Variants in CALN1 observed in about 807,000 individuals in gnomAD.
CALN1 encodes the protein calneuron 1.
Under a neutral mutation model 30.6 loss-of-function variants are expected in CALN1, and 17 were observed. The ratio of observed to expected loss-of-function variants is 0.56; its 90% CI spans 0.38 to 0.83. CALN1 has a LOEUF of 0.83. Among genes scored for constraint, CALN1 ranks in the 40% least tolerant of loss-of-function variants. The pLI is 0.00. For synonymous variants in CALN1, 156 were observed against 131.4 expected, an observed-to-expected ratio of 1.19 and a Z score of -1.28; for missense variants, 291 against 354.9, an observed-to-expected ratio of 0.82 and a Z score of 1.45.
At chr7:71,999,429 T>A (rs1017949446) in intron 5 of CALN1, among the ~76,000 whole-genome samples, 1 of 151,950 alleles carries the variant, frequency 6.6e-6, no homozygotes, top group Non-Finnish European at 1.5e-5. Flanking sequence ...GGGAGAACAA[T>A]CAGTATGTAT....
chr7:72,030,699 C>T (rs2129531845), intron 4 of CALN1, among the ~76,000 whole-genome samples: 1 of 152,264 alleles, frequency 6.6e-6, no homozygotes, highest in East Asian at 1.9e-4. Context: ...CTAACATTTA[C>T]TGGGCACGCA....
intron 2 of CALN1, among the ~76,000 whole-genome samples, chr7:72,367,922 A>G (rs1479648531): frequency 2.0e-5 from 3 of 152,052 alleles, no homozygotes; most frequent in African/African-American, 2.4e-5. Flanking sequence ...TCACCAGGCC[A>G]GGAGATTGAG....
At chr7:72,093,244 C>T (rs753163143) in intron 4 of CALN1, among the ~76,000 whole-genome samples, 1 of 152,164 alleles carries the variant, frequency 6.6e-6, no homozygotes, top group Non-Finnish European at 1.5e-5. Flanking sequence ...CTAAGACAGG[C>T]ATTCTCATAC....
At chr7:72,181,109 C>T (rs1173068330) in intron 3 of CALN1, among the ~76,000 whole-genome samples, 1 of 53,438 alleles carries the variant, frequency 1.9e-5, no homozygotes, top group South Asian at 8.9e-4. Context: ...CCCCCCCCCC[C>T]CAAAAAAAAA....
chr7:72,077,290 T>C (rs1357147446), intron 4 of CALN1, among the ~76,000 whole-genome samples: 2 of 152,230 alleles, frequency 1.3e-5, no homozygotes, highest in Non-Finnish European at 2.9e-5. Flanking sequence ...TTTATTTATT[T>C]TGAGACGGAG....
chr7:72,074,178 T>C (rs975392634), intron 4 of CALN1, among the ~76,000 whole-genome samples: 5 of 152,162 alleles, frequency 3.3e-5, no homozygotes, highest in Non-Finnish European at 7.3e-5. Flanking sequence ...CAGCCTTCGG[T>C]TGATTAATTG....
intron 5 of CALN1, among the ~76,000 whole-genome samples, chr7:71,876,788 A>T (rs192364342): frequency 9.2e-5 from 14 of 152,182 alleles, no homozygotes; most frequent in African/African-American, 3.1e-4. Flanking sequence ...TGGCAGAACA[A>T]ATATTGGGAC....
At chr7:71,897,710 C>T (rs1793602822) in intron 5 of CALN1, among the ~76,000 whole-genome samples, 1 of 150,618 alleles carries the variant, frequency 6.6e-6, no homozygotes, top group South Asian at 2.1e-4. Context: ...TCAACCCAGG[C>T]CTCAAAATAT....
At chr7:72,344,656 A>C (rs897009395) in intron 2 of CALN1, among the ~76,000 whole-genome samples, 21 of 146,522 alleles carry the variant, frequency 1.4e-4, no homozygotes, top group Non-Finnish European at 2.7e-4. Flanking sequence ...TTTTTTATTT[A>C]TATAAATATA....
chr7:71,958,679 G>A (rs947509301), intron 5 of CALN1, among the ~76,000 whole-genome samples: 2 of 152,168 alleles, frequency 1.3e-5, no homozygotes, highest in African/African-American at 4.8e-5. Context: ...GAAAGAACAG[G>A]ACACACTTCC....
intron 6 of CALN1, among the ~76,000 whole-genome samples, chr7:71,795,961 G>A (rs1786888762): frequency 6.6e-6 from 1 of 151,210 alleles, no homozygotes; most frequent in South Asian, 2.1e-4. Context: ...TGGGACTACA[G>A]GCACCCGCCA....
At chr7:71,948,338 C>G (rs562769236) in intron 5 of CALN1, among the ~76,000 whole-genome samples, 4 of 152,258 alleles carry the variant, frequency 2.6e-5, no homozygotes, top group Admixed American at 6.5e-5. Flanking sequence ...TTTGATGGGT[C>G]TTCCAAATGC....
the CALN1 span, among the ~76,000 whole-genome samples, chr7:72,474,664 G>A: frequency 1.3e-5 from 2 of 150,776 alleles, no homozygotes; most frequent in South Asian, 2.1e-4. Context: ...TAGCCTGGGC[G>A]ACAAGAGCGA....
At chr7:72,219,864 G>GA (rs1683006151) in intron 3 of CALN1, among the ~76,000 whole-genome samples, 1 of 151,978 alleles carries the variant, frequency 6.6e-6, no homozygotes, top group African/African-American at 2.4e-5. Flanking sequence ...ATCCTGGAAT[G>GA]AACAAGAGCT....
At chr7:72,448,235 G>T (rs182451862), upstream of CALN1, among the ~76,000 whole-genome samples, 153 of 152,324 alleles carry the variant, frequency 1.0e-3, 1 homozygote, top group Non-Finnish European at 1.1e-3. Flanking sequence ...GCATATTACA[G>T]GCAGATCACC....
chr7:72,016,628 G>C (rs1800394475), intron 5 of CALN1, among the ~76,000 whole-genome samples: 1 of 151,750 alleles, frequency 6.6e-6, no homozygotes, highest in Admixed American at 6.6e-5. Flanking sequence ...GTAAAGAAAG[G>C]GTGTCACTCA....
At chr7:72,386,088 AT>A (rs1489125884) in intron 2 of CALN1, among the ~76,000 whole-genome samples, 3 of 152,224 alleles carry the variant, frequency 2.0e-5, no homozygotes, top group Non-Finnish European at 4.4e-5. Context: ...ACTATGAGGG[AT>A]AAAGGGAAAG....
chr7:72,328,638 T>C (rs1801448627), intron 2 of CALN1, among the ~76,000 whole-genome samples: 1 of 152,236 alleles, frequency 6.6e-6, no homozygotes, highest in Admixed American at 6.5e-5. Context: ...GGGGAAAGTG[T>C]TTTGTAGATA....
chr7:72,474,989 C>A, the CALN1 span, among the ~76,000 whole-genome samples: 2 of 152,186 alleles, frequency 1.3e-5, no homozygotes, highest in African/African-American at 4.8e-5. Flanking sequence ...TTGTCCCCCC[C>A]AAGCCTGGGG....
Sources: gnomAD v4.1 joint callset for allele counts (sites outside exome capture counted in the v4.1 genomes callset) on GRCh38, gnomAD v4.1.1 for gene constraint, MANE v1.5 for transcripts, NCBI Gene and HGNC (gene_info 2026-07-23, HGNC 2026-07-21) for gene names.